Variants in ADAM19 observed in about 807,000 individuals in gnomAD.
The protein encoded by ADAM19 is disintegrin and metalloproteinase domain-containing protein 19.
In ADAM19, 65 loss-of-function variants were observed where a neutral mutation model predicts 114.7. The observed-to-expected ratio is 0.57, with a 90% CI of 0.46 to 0.70. The LOEUF (loss-of-function observed/expected upper bound fraction) is 0.70, where lower values mean the gene tolerates loss of function less well. Among genes scored for constraint, ADAM19 ranks in the 30% least tolerant of loss-of-function variants. The pLI, the probability that ADAM19 is intolerant of heterozygous loss-of-function variation, is 0.00. For missense variants in ADAM19, 1,063 were observed against 1,204.7 expected, an observed-to-expected ratio of 0.88 and a Z score of 1.74; for synonymous variants, 466 against 460.5, an observed-to-expected ratio of 1.01 and a Z score of -0.15.
chr5:157,510,336 T>C (rs1755878157), intron 8 of ADAM19, among the ~76,000 whole-genome samples: 1 of 152,094 alleles, frequency 6.6e-6, no homozygotes, highest in Non-Finnish European at 1.5e-5. Context: ...TAGCTGGGCG[T>C]GGTGGCGCAT....
At chr5:157,520,172 C>A in intron 5 of ADAM19, 141 bp from the exon 6 acceptor site, 3 of 753,172 alleles carry the variant, frequency 4.0e-6, no homozygotes, top group South Asian at 4.0e-5. Context: ...GGGCCATGTA[C>A]CCCTTCGTGA....
chr5:157,502,056 G>T (rs1260805313), intron 12 of ADAM19, among the ~76,000 whole-genome samples: 1 of 150,326 alleles, frequency 6.7e-6, no homozygotes, highest in Non-Finnish European at 1.5e-5. Flanking sequence ...GAGAGAGAAG[G>T]CCATAAAATC....
chr5:157,492,974 T>C lies in ADAM19; in HGVS notation c.1907A>G (p.His636Arg). 2 of 1,614,210 alleles carry C rather than the reference T, an allele frequency of 1.2e-6. No individual in the cohort carries two copies. Among genetic ancestry groups the C allele is most frequent in the South Asian group, 1.1e-5 (1 of 91,088 alleles). ...AGGTGAGCAGGGGAGGGGACTCACA[T>C]GGTTGTAGCCACACTTGGTTCCAGT... ...VMTGTKCGYN[H>R]ICFEGQCRNT... The change falls in exon 16 of 23, where the codon CAT becomes CGT. Residue 636 changes from histidine to arginine, a missense_variant and splice_region_variant. His to Arg is a conservative substitution (Grantham distance 29). This residue lies in a region of ADAM19 where 424 missense variants were observed against 445.5 expected (regional missense o/e 0.95). Transcript: ENST00000257527.
intron 15 of ADAM19, among the ~76,000 whole-genome samples, chr5:157,493,739 C>T (rs900947432): frequency 6.6e-5 from 10 of 152,224 alleles, no homozygotes; most frequent in Admixed American, 3.9e-4. Flanking sequence ...CTCCCCTAGC[C>T]ATGCATTTGA....
intron 1 of ADAM19, among the ~76,000 whole-genome samples, 187 bp downstream of exon 1, chr5:157,575,416 T>A (rs1757944777): frequency 6.6e-6 from 1 of 152,212 alleles, no homozygotes; most frequent in African/African-American, 2.4e-5. Flanking sequence ...TTCCCCGACC[T>A]CTGCCACCTC....
intron 5 of ADAM19, among the ~76,000 whole-genome samples, chr5:157,524,280 G>A (rs1756390921): frequency 6.6e-6 from 1 of 152,396 alleles, no homozygotes; most frequent in Non-Finnish European, 1.5e-5. Context: ...CAGAAGGCAT[G>A]AGCTGGGGCC....
At chr5:157,573,799 A>T (rs1757895223) in intron 1 of ADAM19, among the ~76,000 whole-genome samples, 1 of 152,206 alleles carries the variant, frequency 6.6e-6, no homozygotes, top group South Asian at 2.1e-4. Context: ...AAAGAAAGAT[A>T]ACCAAGAATT....
At chr5:157,489,580 C>A (rs914565194) in intron 19 of ADAM19, among the ~76,000 whole-genome samples, 2 of 152,220 alleles carry the variant, frequency 1.3e-5, no homozygotes, top group Admixed American at 6.5e-5. Context: ...AGAGACTGTA[C>A]ATCTTCCATA....
intron 5 of ADAM19, among the ~76,000 whole-genome samples, chr5:157,530,374 G>A (rs757030877): frequency 6.6e-6 from 1 of 152,052 alleles, no homozygotes; most frequent in South Asian, 2.1e-4. Flanking sequence ...TCTCTGCCTC[G>A]CCCATTCCTT....
chr5:157,549,485 T>C (rs1313810356), intron 3 of ADAM19, among the ~76,000 whole-genome samples: 1 of 152,214 alleles, frequency 6.6e-6, no homozygotes, highest in African/African-American at 2.4e-5. Context: ...TCTGAATTCC[T>C]TTCTCATTCT....
At position 157,490,303 on chromosome 5, in the gene ADAM19, G is replaced by A. The variant is rs764783213; in HGVS notation, c.2240+7C>T. 2 of 1,614,062 alleles carry A rather than the reference G, an allele frequency of 1.2e-6. No homozygotes were observed. The highest frequency in any genetic ancestry group is 1.7e-5 in the Admixed American group (1 of 60,020). On this transcript the variant is annotated splice_region_variant and intron_variant, in intron 19 of 22. Coordinates refer to ENST00000257527, the MANE Select transcript of ADAM19 (RefSeq NM_033274.5). Reference sequence around the variant, plus strand: ...GACCCTGAGTCCTCCATTGAACCCTGTCATACCTGAACTGTTGCCTCAGCT... The same window carrying A: ...GACCCTGAGTCCTCCATTGAACCCTATCATACCTGAACTGTTGCCTCAGCT...
At chr5:157,521,633 C>A (rs1756288875) in intron 5 of ADAM19, among the ~76,000 whole-genome samples, 1 of 152,142 alleles carries the variant, frequency 6.6e-6, no homozygotes, top group South Asian at 2.1e-4. Flanking sequence ...TTCCTGGTTG[C>A]CTCACCCAGT....
intron 5 of ADAM19, among the ~76,000 whole-genome samples, chr5:157,527,992 A>T (rs1205432424): frequency 6.6e-6 from 1 of 152,040 alleles, no homozygotes; most frequent in Non-Finnish European, 1.5e-5. Context: ...TAGAAATCCT[A>T]CCTATTTCTC....
intron 11 of ADAM19, among the ~76,000 whole-genome samples, chr5:157,503,519 T>C (rs1755635183): frequency 6.6e-6 from 1 of 152,122 alleles, no homozygotes. Context: ...CTTTCATCCT[T>C]AGTGATGAGA....
At chr5:157,503,180 G>A (rs903474484) in intron 11 of ADAM19, among the ~76,000 whole-genome samples, 200 bp from the exon 12 acceptor site, 59 of 152,230 alleles carry the variant, frequency 3.9e-4, no homozygotes, top group Admixed American at 1.5e-3. Flanking sequence ...CCTTGAGTTC[G>A]TGTCCTTAGT....
In ADAM19 at chr5:157,514,776, G is replaced by A. The variant is rs1016494700; in HGVS notation, c.667-1271C>T. Among the ~76,000 whole-genome samples the A allele has an allele frequency of 2.6e-5, 4 of 152,336 alleles. No homozygotes were observed. The East Asian group carries it at 7.7e-4, about 29-fold the overall frequency. On this transcript the variant is annotated intron_variant, in intron 7 of 22. Coordinates refer to ENST00000257527, the MANE Select transcript of ADAM19 (RefSeq NM_033274.5). ...AAGATAGATCTCTCTGAGCTGCAATGATGAAGGAAAGCTTCACAGTGTAAA... is the reference window on the plus strand; with the variant it reads ...AAGATAGATCTCTCTGAGCTGCAATAATGAAGGAAAGCTTCACAGTGTAAA...
At chr5:157,534,037 TTGAA>T (rs1263473303) in intron 4 of ADAM19, among the ~76,000 whole-genome samples, 2 of 152,118 alleles carry the variant, frequency 1.3e-5, no homozygotes, top group African/African-American at 4.8e-5. Context: ...CTTCCTATCT[TTGAA>T]TGGATGCTAA....
At chr5:157,556,716 T>C (rs1757378437) in intron 3 of ADAM19, among the ~76,000 whole-genome samples, 1 of 152,222 alleles carries the variant, frequency 6.6e-6, no homozygotes, top group Non-Finnish European at 1.5e-5. Context: ...CTCCTGGCTA[T>C]GCCCAATACT....
intron 5 of ADAM19, among the ~76,000 whole-genome samples, chr5:157,529,982 A>C (rs1756578316): frequency 6.6e-6 from 1 of 152,132 alleles, no homozygotes; most frequent in African/African-American, 2.4e-5. Context: ...CTCCAAGTAC[A>C]TCTCCCAGAG....
Sources: gnomAD v4.1 joint callset for allele counts (sites outside exome capture counted in the v4.1 genomes callset) on GRCh38, gnomAD v4.1.1 for gene constraint, gnomAD v4.1.1 regional missense constraint, MANE v1.5 for transcripts, NCBI Gene and HGNC (gene_info 2026-07-23, HGNC 2026-07-21) for gene names.